The following PMEPA1 variants were observed in gnomAD, a reference collection of about 807,000 sequenced individuals.
The protein encoded by PMEPA1 is protein TMEPAI.
PMEPA1 carries 11 observed loss-of-function variants against 23.0 expected under a neutral mutation model. The observed-to-expected ratio is 0.48, with a 90% CI of 0.30 to 0.79. The LOEUF is 0.79. PMEPA1 is among the 30% of genes least tolerant of loss of function. The pLI is 0.06. For missense variants in PMEPA1, 377 were observed against 390.9 expected, an observed-to-expected ratio of 0.96 and a Z score of 0.30; for synonymous variants, 204 against 166.4, an observed-to-expected ratio of 1.23 and a Z score of -1.74.
At chr20:57,679,342 G>A (rs1423220730) in intron 1 of PMEPA1, among the ~76,000 whole-genome samples, 1 of 152,220 alleles carries the variant, frequency 6.6e-6, no homozygotes, top group African/African-American at 2.4e-5. Flanking sequence ...CTGCTTTGGG[G>A]CTTGGCAAAG....
At position 57,648,505 on chromosome 20, in the gene PMEPA1, T is replaced by C. The variant is rs2071175958; in HGVS notation, c.*3548A>G. On this transcript the variant is annotated 3_prime_UTR_variant, in exon 4 of 4. Transcript: ENST00000341744. ...CAAGCAGTTTCTTCAGGCCTGTGGA[T>C]TGGCATCCAAATACAGAGTCTTACG... 1 of 152,668 alleles carries C rather than the reference T, an allele frequency of 6.6e-6. No individual in the cohort carries two copies. Among genetic ancestry groups the C allele is most frequent in the Non-Finnish European group, 1.5e-5 (1 of 68,042 alleles). The allele number at this position is 152,668 out of a possible 1,614,324, so 9.5% of individuals were successfully genotyped here.
intron 1 of PMEPA1, among the ~76,000 whole-genome samples, chr20:57,664,071 G>A (rs1238856837): frequency 6.6e-6 from 1 of 152,214 alleles, no homozygotes; most frequent in East Asian, 1.9e-4. Flanking sequence ...GCATTCTCTG[G>A]GGAGTGGACC....
At chr20:57,657,608 G>A (rs544365619) in intron 2 of PMEPA1, among the ~76,000 whole-genome samples, 4 of 152,158 alleles carry the variant, frequency 2.6e-5, no homozygotes, top group East Asian at 1.9e-4. Context: ...AGTGGGCCCC[G>A]GGTCTGTGGG....
In PMEPA1 at chr20:57,650,313, G is replaced by C; in HGVS notation, c.*1740C>G. 1 of 152,234 alleles carries C rather than the reference G, an allele frequency of 6.6e-6. No homozygotes were observed. Among genetic ancestry groups the C allele is most frequent in the African/African-American group, 2.4e-5 (1 of 41,466 alleles). 9.4% of individuals were successfully genotyped at this position (152,234 alleles called of 1,614,324 possible). On this transcript the variant is annotated 3_prime_UTR_variant, in exon 4 of 4. Coordinates refer to ENST00000341744, the MANE Select transcript of PMEPA1 (RefSeq NM_020182.5). ...CCAAAATGGAAAGCCACTCCCATGG[G>C]AAGGGAGGGGGTAGCAGCTGGGAGT...
rs200567896 is a variant in PMEPA1 at position 57,659,504 on chromosome 20, C to G, written c.264+39G>C. ...GTTTTTACAAGGGGCGTCCCACTGC[C>G]GCACCCTCAGGCCACAGATGGGATG... On this transcript the variant is annotated intron_variant, in intron 2 of 3. Transcript: ENST00000341744. The G allele has an allele frequency of 2.1e-5, 33 of 1,601,612 alleles. 1 individual carries two copies. The highest frequency in any genetic ancestry group is 2.7e-5 in the Non-Finnish European group (32 of 1,171,278).
rs529935553 is a variant in PMEPA1 at position 57,656,909 on chromosome 20, C to T, written c.264+2634G>A. Among the ~76,000 whole-genome samples, 5 of 152,292 alleles carry T rather than the reference C, an allele frequency of 3.3e-5. No individual in the cohort carries two copies. The highest frequency in any genetic ancestry group is 6.5e-5 in the Admixed American group (1 of 15,304). ...GTATGTGGATCTCTATGGAAGGCCG[C>T]GGGGCCCAGGGACTCCTGTCTGGCA... On this transcript the variant is annotated intron_variant, in intron 2 of 3. Transcript: ENST00000341744. This position sits in a 1 kb window ranked among gnomAD's most constrained non-coding sequence, Gnocchi z 4.7.
Position 57,709,471 on chromosome 20 carries a change from C to G in PMEPA1, c.109+3G>C. On this transcript the variant is annotated splice_donor_region_variant and intron_variant, in intron 1 of 3. Coordinates refer to ENST00000341744, the MANE Select transcript of PMEPA1 (RefSeq NM_020182.5). Reference sequence around the variant, plus strand: ...CCGGGGAGGGGGGCGTGGGGTCACTCACTGATCTCCATGCTCTGGAACAAA... The same window carrying G: ...CCGGGGAGGGGGGCGTGGGGTCACTGACTGATCTCCATGCTCTGGAACAAA... 1 of 1,120,858 alleles carries G rather than the reference C, an allele frequency of 8.9e-7. No homozygotes were observed. Among genetic ancestry groups the G allele is most frequent in the Non-Finnish European group, 1.1e-6 (1 of 898,610 alleles). 69.4% of individuals were successfully genotyped at this position (1,120,858 alleles called of 1,614,324 possible). A position where few individuals can be genotyped will look rare whatever the true frequency, so the allele number is the denominator to read the frequency against.
intron 1 of PMEPA1, among the ~76,000 whole-genome samples, chr20:57,677,996 A>G (rs558295683): frequency 1.3e-5 from 2 of 152,394 alleles, no homozygotes; most frequent in East Asian, 3.9e-4. Context: ...GCTTAAAATA[A>G]CAATATTATA....
chr20:57,662,550 C>T (rs1278955267), intron 1 of PMEPA1, among the ~76,000 whole-genome samples: 2 of 152,184 alleles, frequency 1.3e-5, no homozygotes. Context: ...GGCTTCAGAC[C>T]CAGGTCGCTG....
intron 1 of PMEPA1, among the ~76,000 whole-genome samples, chr20:57,695,473 T>C (rs964655555): frequency 1.3e-5 from 2 of 152,240 alleles, no homozygotes; most frequent in South Asian, 2.1e-4. Flanking sequence ...CCAGCCCAGC[T>C]TGGCCCTTTC....
chr20:57,661,845 C>T (rs1185809343), intron 1 of PMEPA1, among the ~76,000 whole-genome samples: 1 of 152,192 alleles, frequency 6.6e-6, no homozygotes, highest in Non-Finnish European at 1.5e-5. Flanking sequence ...CACTCCCACA[C>T]CTGTGTCCAC....
intron 1 of PMEPA1, 36 bp from the exon 2 acceptor site, chr20:57,659,733 C>T (rs2071386133): frequency 6.5e-7 from 1 of 1,545,718 alleles, no homozygotes; most frequent in African/African-American, 1.4e-5. Context: ...AGACCCTGGA[C>T]ACCTGCAGGT....
chr20:57,688,495 C>T (rs1200988912), intron 1 of PMEPA1, among the ~76,000 whole-genome samples: 2 of 152,242 alleles, frequency 1.3e-5, no homozygotes, highest in Admixed American at 6.5e-5. Flanking sequence ...CCCTAGGGGG[C>T]AGTTGAGAAC....
At chr20:57,675,331 G>A (rs977328881) in intron 1 of PMEPA1, among the ~76,000 whole-genome samples, 7 of 152,222 alleles carry the variant, frequency 4.6e-5, no homozygotes, top group Non-Finnish European at 7.4e-5. Context: ...CAGCAGCCCC[G>A]ACCCCTCCAC....
In PMEPA1 at chr20:57,683,060, T is replaced by C. The variant is rs888160108; in HGVS notation, c.110-23363A>G. Reference sequence around the variant, plus strand: ...GCCAGACCTTTTTCAATGTCATCTCTCACGCCGCAGTCTCCGGGGGCATTT... The same window carrying C: ...GCCAGACCTTTTTCAATGTCATCTCCCACGCCGCAGTCTCCGGGGGCATTT... On this transcript the variant is annotated intron_variant, in intron 1 of 3. Transcript: ENST00000341744. This position sits in a 1 kb window ranked among gnomAD's most constrained non-coding sequence, Gnocchi z 4.3. Among the ~76,000 whole-genome samples, 12 of 152,298 alleles carry C rather than the reference T, an allele frequency of 7.9e-5. No individual in the cohort carries two copies. The highest frequency in any genetic ancestry group is 7.8e-4 in the Admixed American group (12 of 15,304).
In PMEPA1 at chr20:57,656,675, A is replaced by G. The variant is rs2071331022; in HGVS notation, c.264+2868T>C. ...CCTTGCCCAGTGTCACACAACAAGGAGGTGACAAGGCCGAGAAAAGACCTC... is the reference window on the plus strand; with the variant it reads ...CCTTGCCCAGTGTCACACAACAAGGGGGTGACAAGGCCGAGAAAAGACCTC... On this transcript the variant is annotated intron_variant, in intron 2 of 3. Transcript: ENST00000341744. The surrounding 1 kb of genome is among the most constrained non-coding windows in gnomAD (Gnocchi z 4.7). 1.3e-5 allele frequency among the ~76,000 whole-genome samples: 2 copies of G among 152,134 alleles called. No individual in the cohort carries two copies. The highest frequency in any genetic ancestry group is 1.3e-4 in the Admixed American group (2 of 15,290).
intron 2 of PMEPA1, among the ~76,000 whole-genome samples, chr20:57,657,063 A>C (rs117771643): frequency 0.02 from 3,105 of 152,244 alleles, 54 homozygotes; most frequent in Non-Finnish European, 0.031. Flanking sequence ...CTATTGGCCG[A>C]AGGTGTGACG....
At chr20:57,662,031 C>A (rs439793) in intron 1 of PMEPA1, among the ~76,000 whole-genome samples, 3,899 of 52,416 alleles carry the variant, frequency 0.074, 183 homozygotes, top group African/African-American at 0.3. Context: ...CTACTGAGCC[C>A]GTGTTTCTCA....
chr20:57,678,180 A>AT (rs945374214), intron 1 of PMEPA1, among the ~76,000 whole-genome samples: 3 of 152,186 alleles, frequency 2.0e-5, no homozygotes, highest in Non-Finnish European at 4.4e-5. Context: ...ACACACTCGA[A>AT]TGAGTGTGTG....
Sources: allele counts gnomAD v4.1 joint callset (sites outside exome capture counted in the v4.1 genomes callset), GRCh38; gene constraint gnomAD v4.1.1; non-coding constraint Gnocchi (gnomAD v3.1); transcripts MANE v1.5; gene names NCBI Gene and HGNC (gene_info 2026-07-23, HGNC 2026-07-21).